BCL2L13: variants seen among roughly 807,000 people sequenced by gnomAD.
BCL2L13 encodes BCL2 like 13, also known as bcl-2-like protein 13.
A neutral mutation model predicts 25.8 loss-of-function variants in BCL2L13; 13 were observed. The observed-to-expected ratio is 0.50, with a 90% confidence interval of 0.33 to 0.80. The LOEUF (loss-of-function observed/expected upper bound fraction) is 0.80. Among genes scored for constraint, BCL2L13 ranks in the 30% least tolerant of loss-of-function variants. The probability of loss-of-function intolerance (pLI) is 0.02; values close to 1 mark genes in which losing one functional copy is unlikely to be tolerated. For missense variants in BCL2L13, 504 were observed against 574.9 expected, an observed-to-expected ratio of 0.88 and a Z score of 1.26; for synonymous variants, 244 against 230.3, an observed-to-expected ratio of 1.06 and a Z score of -0.54.
At chr22:17,640,216 T>A (rs562055568) in intron 1 of BCL2L13, among the ~76,000 whole-genome samples, 9 of 152,258 alleles carry the variant, frequency 5.9e-5, no homozygotes, top group African/African-American at 2.2e-4. Context: ...TTTAACACCC[T>A]CTCTCCCCCA....
At chr22:17,699,560 G>A (rs968501605) in intron 5 of BCL2L13, among the ~76,000 whole-genome samples, 1 of 152,052 alleles carries the variant, frequency 6.6e-6, no homozygotes, top group African/African-American at 2.4e-5. Context: ...GCATTTCATT[G>A]CAAAAACAAT....
At chr22:17,689,238 G>T (rs1000636358) in intron 4 of BCL2L13, 96 bp downstream of exon 4, 2 of 1,053,066 alleles carry the variant, frequency 1.9e-6, no homozygotes, top group African/African-American at 3.2e-5. Flanking sequence ...TAGGTGAACA[G>T]TGTCACTTCT....
At chr22:17,642,476 T>A (rs2058328512) in intron 1 of BCL2L13, among the ~76,000 whole-genome samples, 2 of 152,128 alleles carry the variant, frequency 1.3e-5, no homozygotes, top group East Asian at 3.9e-4. Context: ...CTTCTTTCAC[T>A]TAGCATAATG....
At chr22:17,670,374 T>C (rs1337964814) in intron 2 of BCL2L13, among the ~76,000 whole-genome samples, 1 of 19,698 alleles carries the variant, frequency 5.1e-5, no homozygotes, top group Non-Finnish European at 9.7e-5. Flanking sequence ...TCAAATCAGC[T>C]TTTTTTTTTT....
chr22:17,679,305 T>C (rs1042781018), intron 2 of BCL2L13, among the ~76,000 whole-genome samples: 2 of 141,818 alleles, frequency 1.4e-5, no homozygotes, highest in African/African-American at 5.6e-5. Flanking sequence ...GTTTCACCCT[T>C]GTGGCCCAGG....
Position 17,716,584 on chromosome 22 carries a change from C to T in BCL2L13, c.601-10093C>T, listed in dbSNP as rs2060951235. 2.0e-5 allele frequency among the ~76,000 whole-genome samples: 3 copies of T among 152,158 alleles called. No homozygotes were observed. In the South Asian group the frequency reaches 6.2e-4, roughly 32 times the overall value. On this transcript the variant is annotated intron_variant, in intron 6 of 6. Transcript: ENST00000317582. ...AGATTGACTTTACCTCCTCTAATGC[C>T]CTTCACTGTGCTGTAGCCTTTCAAA... is the stretch of plus-strand genomic sequence containing the variant.
At chr22:17,721,360 T>C (rs548047228) in intron 6 of BCL2L13, among the ~76,000 whole-genome samples, 19 of 152,098 alleles carry the variant, frequency 1.2e-4, no homozygotes, top group Admixed American at 2.0e-4. Context: ...TCTTTTAGTT[T>C]TTAAATTTTT....
At chr22:17,680,685 C>CT (rs1330251140) in intron 2 of BCL2L13, among the ~76,000 whole-genome samples, 2 of 151,996 alleles carry the variant, frequency 1.3e-5, no homozygotes, top group African/African-American at 4.8e-5. Flanking sequence ...GTGAGCATCA[C>CT]TACGTGTGTG....
chr22:17,641,200 T>C (rs183836725), intron 1 of BCL2L13, among the ~76,000 whole-genome samples: 4 of 152,290 alleles, frequency 2.6e-5, no homozygotes, highest in East Asian at 3.9e-4. Flanking sequence ...TAAATAGATA[T>C]GTATTTTATT....
intron 3 of BCL2L13, among the ~76,000 whole-genome samples, chr22:17,688,319 G>A (rs2060005634): frequency 6.6e-6 from 1 of 152,158 alleles, no homozygotes; most frequent in Admixed American, 6.5e-5. Flanking sequence ...ATTTATCCAT[G>A]TGTAGTAATA....
chr22:17,692,815 A>G (rs904094571), intron 4 of BCL2L13, among the ~76,000 whole-genome samples: 7 of 152,240 alleles, frequency 4.6e-5, no homozygotes, highest in Admixed American at 1.3e-4. Context: ...ACTAGCAGCC[A>G]AGTAAAAAAT....
At chr22:17,656,826 C>T (rs1601540506) in intron 2 of BCL2L13, among the ~76,000 whole-genome samples, 4 of 151,454 alleles carry the variant, frequency 2.6e-5, no homozygotes, top group Non-Finnish European at 5.9e-5. Flanking sequence ...TTTTGGCTGC[C>T]TTATTTTTTT....
At chr22:17,723,933 AAAAAAAAAC>A (rs2061222755) in intron 6 of BCL2L13, among the ~76,000 whole-genome samples, 2 of 150,912 alleles carry the variant, frequency 1.3e-5, no homozygotes, top group African/African-American at 2.4e-5. Flanking sequence ...CTCCGTCTCA[AAAAAAAAAC>A]AAAAAAAAAC....
chr22:17,714,434 A>C (rs187070466), intron 6 of BCL2L13, among the ~76,000 whole-genome samples: 77 of 152,276 alleles, frequency 5.1e-4, no homozygotes, highest in African/African-American at 1.6e-3. Flanking sequence ...CCTGGGTGAC[A>C]GAGTGAGACT....
In BCL2L13 at chr22:17,655,679, G is replaced by A; in HGVS notation, c.-33G>A. ...GTTCTTAGGTTTTACACATCCATAA[G>A]TAGACCTTTTTGGAGCCTCACCAGC... is the stretch of plus-strand genomic sequence containing the variant. On this transcript the variant is annotated 5_prime_UTR_variant, in exon 2 of 7. Coordinates refer to ENST00000317582, the MANE Select transcript of BCL2L13 (RefSeq NM_015367.4). 1 of 1,604,458 alleles carries A rather than the reference G, an allele frequency of 6.2e-7. No homozygotes were observed. Among genetic ancestry groups the A allele is most frequent in the Non-Finnish European group, 8.5e-7 (1 of 1,176,382 alleles).
intron 2 of BCL2L13, among the ~76,000 whole-genome samples, chr22:17,670,584 G>T (rs2059385921): frequency 6.6e-6 from 1 of 151,950 alleles, no homozygotes; most frequent in Non-Finnish European, 1.5e-5. Context: ...ATGTTGGTCA[G>T]GCTGGTCTCA....
intron 2 of BCL2L13, among the ~76,000 whole-genome samples, chr22:17,676,810 T>C (rs1383247163): frequency 1.3e-5 from 2 of 152,240 alleles, no homozygotes; most frequent in Non-Finnish European, 1.5e-5. Flanking sequence ...TAGTAGAAGC[T>C]TATCTGTAAA....
At chr22:17,726,373 C>CA (rs2061298470) in intron 6 of BCL2L13, among the ~76,000 whole-genome samples, 1 of 148,256 alleles carries the variant, frequency 6.7e-6, no homozygotes, top group South Asian at 2.1e-4. Flanking sequence ...AAAAAAACCT[C>CA]AGATTTTGGA....
At chr22:17,690,498 T>G (rs545177972) in intron 4 of BCL2L13, among the ~76,000 whole-genome samples, 14 of 152,056 alleles carry the variant, frequency 9.2e-5, no homozygotes, top group Non-Finnish European at 1.9e-4. Context: ...GAAATCGTAT[T>G]TGGTAATCTC....
Sources: gnomAD v4.1 joint callset for allele counts (sites outside exome capture counted in the v4.1 genomes callset) on GRCh38, gnomAD v4.1.1 for gene constraint, MANE v1.5 for transcripts, NCBI Gene and HGNC (gene_info 2026-07-23, HGNC 2026-07-21) for gene names.